AOPEP: variants seen among roughly 807,000 people sequenced by gnomAD.
AOPEP encodes aminopeptidase O.
A neutral mutation model predicts 98.1 loss-of-function variants in AOPEP; 77 were observed. That is an observed-to-expected ratio of 0.78 (90% CI 0.65 to 0.95). The LOEUF (loss-of-function observed/expected upper bound fraction) is 0.95. AOPEP is among the 40% of genes least tolerant of loss of function. AOPEP has a pLI of 0.00. For synonymous variants in AOPEP, 346 were observed against 365.3 expected (o/e 0.95, Z 0.60); for missense variants, 1,024 against 1,024.7 (o/e 1.00, Z 0.01).
intron 5 of AOPEP, among the ~76,000 whole-genome samples, chr9:94,882,768 G>T (rs758704748): frequency 6.6e-6 from 1 of 152,102 alleles, no homozygotes; most frequent in African/African-American, 2.4e-5. Context: ...GCGAGACTCC[G>T]TCTCAAAAAA....
intron 13 of AOPEP, among the ~76,000 whole-genome samples, chr9:95,026,628 C>T (rs2063860943): frequency 6.6e-6 from 1 of 152,152 alleles, no homozygotes; most frequent in Non-Finnish European, 1.5e-5. Flanking sequence ...CAGTTTAGGG[C>T]TGTAGTAATG....
intron 11 of AOPEP, among the ~76,000 whole-genome samples, chr9:94,999,783 GGT>G (rs137918117): frequency 2.7e-5 from 4 of 150,364 alleles, no homozygotes; most frequent in Non-Finnish European, 3.0e-5. Context: ...TGACAATTGG[GGT>G]GTGTGTGTGT....
At chr9:94,929,898 G>T (rs1028247795) in intron 7 of AOPEP, among the ~76,000 whole-genome samples, 3 of 152,218 alleles carry the variant, frequency 2.0e-5, no homozygotes, top group African/African-American at 7.2e-5. Flanking sequence ...TGCCTGAGGT[G>T]GGAAAGGCCT....
chr9:95,000,099 C>A (rs565848361), intron 11 of AOPEP, among the ~76,000 whole-genome samples: 16 of 152,034 alleles, frequency 1.1e-4, no homozygotes, highest in Non-Finnish European at 2.4e-4. Flanking sequence ...CTAAGAGGTC[C>A]GTTTGGCAGG....
At chr9:94,740,522 A>AT (rs1261065154) in intron 1 of AOPEP, among the ~76,000 whole-genome samples, 2 of 152,200 alleles carry the variant, frequency 1.3e-5, no homozygotes, top group African/African-American at 4.8e-5. Flanking sequence ...CACACAAGTG[A>AT]TTCTTTTGGG....
At chr9:95,050,825 T>A (rs564210122) in intron 13 of AOPEP, among the ~76,000 whole-genome samples, 2 of 152,364 alleles carry the variant, frequency 1.3e-5, no homozygotes, top group South Asian at 4.1e-4. Context: ...ACTGTGTGTC[T>A]ATGCACAAGA....
At chr9:94,975,382 A>C (rs1048404086) in intron 10 of AOPEP, among the ~76,000 whole-genome samples, 1 of 152,184 alleles carries the variant, frequency 6.6e-6, no homozygotes, top group Non-Finnish European at 1.5e-5. Flanking sequence ...TTTTCTTGGC[A>C]GTGGATAGAG....
rs565067522 is a variant in AOPEP, at chr9:95,068,549, A to G, written c.2232+7739A>G. Among the ~76,000 whole-genome samples, 7 of 152,314 alleles carry G rather than the reference A, an allele frequency of 4.6e-5. No individual in the cohort carries two copies. The South Asian group carries it at 1.2e-3, about 27-fold the overall frequency. ...TTACTGAGTTATAATAGTTCTTTATATAGTCTAGATACGAGTTCCTTCTCA... is the reference window on the plus strand; with the variant it reads ...TTACTGAGTTATAATAGTTCTTTATGTAGTCTAGATACGAGTTCCTTCTCA... On this transcript the variant is annotated intron_variant, in intron 14 of 16. Transcript: ENST00000375315.
the AOPEP span, chr9:95,110,107 C>T: frequency 3.4e-5 from 10 of 295,776 alleles, no homozygotes; most frequent in African/African-American, 6.8e-5. Context: ...TGAGCCAATA[C>T]GTTCTCATCC....
chr9:95,035,750 A>G (rs988430925), intron 13 of AOPEP, among the ~76,000 whole-genome samples: 7 of 151,320 alleles, frequency 4.6e-5, no homozygotes, highest in Non-Finnish European at 1.0e-4. Context: ...TGAACTCCCA[A>G]CCTCGGGTGA....
rs1429322177 is a variant in AOPEP, at chr9:94,760,367, C to A, written c.584C>A (p.Pro195His). The A allele has an allele frequency of 6.2e-7, 1 of 1,614,170 alleles. No individual in the cohort carries two copies. The highest frequency in any genetic ancestry group is 2.2e-5 in the East Asian group (1 of 44,874). ...ATTGTACGTGAACTTGTGACTTTGCCTGCAAATCGTTGGAGGGAGCAGTTA... is the reference window on the plus strand; with the variant it reads ...ATTGTACGTGAACTTGTGACTTTGCATGCAAATCGTTGGAGGGAGCAGTTA... Reference protein sequence around the residue: ...NQIVRELVTLPANRWREQLDY... With the variant: ...NQIVRELVTLHANRWREQLDY... The change falls in exon 2 of 17, where the codon CCT (proline) becomes CAT (histidine). Residue 195 changes from proline (P) to histidine (H), a missense_variant. This residue lies in a region of AOPEP where 440 missense variants were observed against 433.8 expected (regional missense o/e 1.01). Coordinates refer to ENST00000375315, the MANE Select transcript of AOPEP (RefSeq NM_001193329.3).
chr9:95,014,258 G>T (rs937176309), intron 13 of AOPEP, among the ~76,000 whole-genome samples: 2 of 151,928 alleles, frequency 1.3e-5, no homozygotes, highest in Non-Finnish European at 2.9e-5. Context: ...CTTGAGTCTA[G>T]GAGTTCAAGA....
intron 5 of AOPEP, chr9:94,904,268 C>T (rs536741316): frequency 6.6e-6 from 1 of 152,332 alleles, no homozygotes; most frequent in African/African-American, 2.4e-5. Context: ...TACAGCTTCC[C>T]TGCACAGTGG....
chr9:94,886,523 A>G (rs2048256294), intron 5 of AOPEP, among the ~76,000 whole-genome samples: 1 of 152,224 alleles, frequency 6.6e-6, no homozygotes, highest in African/African-American at 2.4e-5. Flanking sequence ...CAGAATATAA[A>G]TGGCTCACTA....
Position 95,038,316 on chromosome 9 carries a change from C to T in AOPEP, c.2116-22378C>T, listed in dbSNP as rs78081242. Among the ~76,000 whole-genome samples the T allele has an allele frequency of 6.6e-5, 10 of 152,324 alleles. No individual in the cohort carries two copies. The East Asian group carries it at 1.5e-3, about 24-fold the overall frequency. ...GACTGTAGGTGAAGGAACATGTTTT[C>T]CAGCAGCTGCAATTTAGCATGCATT... On this transcript the variant is annotated intron_variant, in intron 13 of 16. Coordinates refer to ENST00000375315, the MANE Select transcript of AOPEP (RefSeq NM_001193329.3).
chr9:95,063,092 G>C (rs115705767), intron 14 of AOPEP, among the ~76,000 whole-genome samples: 1 of 152,274 alleles, frequency 6.6e-6, no homozygotes, highest in African/African-American at 2.4e-5. Flanking sequence ...GACTATGGGC[G>C]GGTGCTGGGC....
intron 5 of AOPEP, among the ~76,000 whole-genome samples, chr9:94,816,453 A>G (rs1851721300): frequency 1.3e-5 from 2 of 152,236 alleles, no homozygotes; most frequent in African/African-American, 4.8e-5. Flanking sequence ...TGGCTACATC[A>G]TGCTAGATCA....
intron 5 of AOPEP, among the ~76,000 whole-genome samples, chr9:94,870,551 G>A (rs2046230520): frequency 6.6e-6 from 1 of 152,104 alleles, no homozygotes; most frequent in South Asian, 2.1e-4. Context: ...GGGAAGGCTG[G>A]TATTTGAACC....
chr9:95,068,947 G>C (rs763312140), intron 14 of AOPEP, among the ~76,000 whole-genome samples: 3 of 152,046 alleles, frequency 2.0e-5, no homozygotes, highest in African/African-American at 7.2e-5. Context: ...CTCAGTGTGC[G>C]TGGCCCTTCT....
Sources: allele counts gnomAD v4.1 joint callset (sites outside exome capture counted in the v4.1 genomes callset), GRCh38; gene constraint gnomAD v4.1.1; regional missense constraint gnomAD v4.1.1; transcripts MANE v1.5; gene names NCBI Gene and HGNC (gene_info 2026-07-23, HGNC 2026-07-21).